ITPKB: variants seen among roughly 807,000 people sequenced by gnomAD.
ITPKB encodes the protein inositol-trisphosphate 3-kinase B, also known as IP3 3-kinase B.
ITPKB carries 13 observed loss-of-function variants against 69.4 expected under a neutral mutation model. The ratio of observed to expected loss-of-function variants is 0.19; its 90% CI spans 0.12 to 0.30. The LOEUF is 0.30. Ranked by LOEUF, ITPKB falls within the 10% of genes least tolerant of loss-of-function variation. ITPKB has a pLI of 1.00. For synonymous variants in ITPKB, 584 were observed against 513.7 expected, an observed-to-expected ratio of 1.14 and a Z score of -1.85; for missense variants, 1,240 against 1,250.5, an observed-to-expected ratio of 0.99 and a Z score of 0.13.
At chr1:226,666,225 G>A (rs1447875050) in intron 2 of ITPKB, among the ~76,000 whole-genome samples, 1 of 152,196 alleles carries the variant, frequency 6.6e-6, no homozygotes, top group Non-Finnish European at 1.5e-5. Flanking sequence ...CACATGGCAC[G>A]GTGGGATCTG....
At chr1:226,648,820 T>C in intron 2 of ITPKB, 49 bp from the exon 3 acceptor site, 3 of 1,278,790 alleles carry the variant, frequency 2.3e-6, no homozygotes, top group Non-Finnish European at 3.4e-6. Flanking sequence ...CAACCACTAA[T>C]TTCTGGTTAG....
intron 2 of ITPKB, among the ~76,000 whole-genome samples, chr1:226,675,798 G>C (rs903149771): frequency 6.6e-6 from 1 of 152,138 alleles, no homozygotes; most frequent in African/African-American, 2.4e-5. Context: ...TGTAAGATTC[G>C]AGTCTGCATA....
At chr1:226,731,855 C>G (rs1657597411) in intron 2 of ITPKB, among the ~76,000 whole-genome samples, 1 of 152,006 alleles carries the variant, frequency 6.6e-6, no homozygotes, top group South Asian at 2.1e-4. Context: ...GCTCATAACC[C>G]CACAAATCTG....
intron 2 of ITPKB, among the ~76,000 whole-genome samples, chr1:226,677,002 G>C (rs1307156516): frequency 6.6e-6 from 1 of 152,092 alleles, no homozygotes; most frequent in Non-Finnish European, 1.5e-5. Context: ...TCCATCCCCT[G>C]AGCACCTGGG....
At chr1:226,677,450 G>A (rs950301057) in intron 2 of ITPKB, among the ~76,000 whole-genome samples, 1 of 152,162 alleles carries the variant, frequency 6.6e-6, no homozygotes, top group Non-Finnish European at 1.5e-5. Flanking sequence ...CAGAGGGGTG[G>A]GTTAAAGCCT....
chr1:226,687,045 G>A (rs937548595), intron 2 of ITPKB, among the ~76,000 whole-genome samples: 2 of 152,248 alleles, frequency 1.3e-5, no homozygotes, highest in East Asian at 1.9e-4. Context: ...AGGGACTAAC[G>A]TCCTGCCTCA....
intron 2 of ITPKB, among the ~76,000 whole-genome samples, chr1:226,666,661 G>A (rs767919790): frequency 2.0e-5 from 3 of 152,032 alleles, no homozygotes; most frequent in Non-Finnish European, 4.4e-5. Flanking sequence ...CTCTCCCTAC[G>A]GCTAGCACCC....
intron 2 of ITPKB, among the ~76,000 whole-genome samples, chr1:226,673,308 G>A (rs913521706): frequency 1.6e-4 from 25 of 152,180 alleles, no homozygotes; most frequent in Non-Finnish European, 3.2e-4. Context: ...CAGGGGTAGA[G>A]GCTGCCATGT....
Position 226,684,106 on chromosome 1 carries a change from C to A in ITPKB, c.1933-35335G>T, listed in dbSNP as rs1008755512. On this transcript the variant is annotated intron_variant, in intron 2 of 7. Transcript: ENST00000429204. Reference sequence around the variant, plus strand: ...TAGAAAAATAGCCTCTTCACAGCACCCGATTCTCTCCCACCAAGAATTCTC... The same window carrying A: ...TAGAAAAATAGCCTCTTCACAGCACACGATTCTCTCCCACCAAGAATTCTC... 2.0e-5 allele frequency among the ~76,000 whole-genome samples: 3 copies of A among 152,114 alleles called. No homozygotes were observed. The East Asian group carries it at 5.8e-4, about 29-fold the overall frequency.
intron 2 of ITPKB, among the ~76,000 whole-genome samples, chr1:226,716,710 T>C (rs1171376417): frequency 6.6e-6 from 1 of 152,198 alleles, no homozygotes. Flanking sequence ...ATCATTTGAT[T>C]CAGTTCCAAC....
rs778072532 is a variant in ITPKB, at chr1:226,737,370, C to A, written c.89G>T (p.Gly30Val). The A allele has an allele frequency of 8.1e-6, 13 of 1,608,574 alleles. No homozygotes were observed. The South Asian group carries it at 1.3e-4, about 16-fold the overall frequency. ...MKSGGGPGPS[G>V]SETPPPPRRA... The stretch of plus-strand genomic sequence containing the variant: ...CCTCGGGGGCGGGGGCGTCTCGCTG[C>A]CACTGGGCCCCGGGCCGCCGCCGCT... Residue 30 changes from glycine to valine, a missense_variant, in exon 2 of 8, where the codon GGC becomes GTC. This residue lies in a region of ITPKB where 992 missense variants were observed against 853.8 expected (regional missense o/e 1.16). Transcript: ENST00000429204.
intron 2 of ITPKB, chr1:226,676,193 C>G (rs928289975): frequency 6.6e-6 from 1 of 152,184 alleles, no homozygotes; most frequent in South Asian, 2.1e-4. Context: ...CCACAATTAC[C>G]TGCAAGGTAA....
intron 2 of ITPKB, among the ~76,000 whole-genome samples, chr1:226,681,140 AC>A (rs1160823985): frequency 9.9e-5 from 15 of 152,024 alleles, no homozygotes; most frequent in South Asian, 2.1e-4. Context: ...ACCATGTCAA[AC>A]CCAGTCGTCT....
At position 226,737,462 on chromosome 1, in the gene ITPKB, A is replaced by G. The variant is rs2102656003; in HGVS notation, c.-4T>C. 1 of 1,589,446 alleles carries G rather than the reference A, an allele frequency of 6.3e-7. No homozygotes were observed. Among genetic ancestry groups the G allele is most frequent in the Non-Finnish European group, 8.5e-7 (1 of 1,171,468 alleles). ...GCGCATAGCAGTACACAGCCATAGT[A>G]CTGGGTCCCGCGCTGCCCGCCGCCG... On this transcript the variant is annotated 5_prime_UTR_variant, in exon 2 of 8. Transcript: ENST00000429204.
intron 2 of ITPKB, among the ~76,000 whole-genome samples, chr1:226,687,869 C>T (rs186402282): frequency 3.3e-5 from 5 of 152,166 alleles, no homozygotes; most frequent in Non-Finnish European, 7.4e-5. Context: ...ATACTGCTTC[C>T]GAGTTTCCTC....
chr1:226,633,090 T>C lies in ITPKB; in HGVS notation c.*1581A>G, dbSNP rs1245166727. Reference sequence around the variant, plus strand: ...ACTGTTTTAAACAAGAGCCAGGAAGTGTAAGTTGATTTCCTTTTTTAAAAT... The same window carrying C: ...ACTGTTTTAAACAAGAGCCAGGAAGCGTAAGTTGATTTCCTTTTTTAAAAT... On this transcript the variant is annotated 3_prime_UTR_variant, in exon 8 of 8. Coordinates refer to ENST00000429204, the MANE Select transcript of ITPKB (RefSeq NM_002221.4). 1 of 152,188 alleles carries C rather than the reference T, an allele frequency of 6.6e-6. No individual in the cohort carries two copies. The highest frequency in any genetic ancestry group is 1.5e-5 in the Non-Finnish European group (1 of 68,044). 9.4% of individuals were successfully genotyped at this position (152,188 alleles called of 1,614,324 possible). A position where few individuals can be genotyped will look rare whatever the true frequency, so the allele number is the denominator to read the frequency against.
At chr1:226,662,052 G>C (rs1401872387) in intron 2 of ITPKB, among the ~76,000 whole-genome samples, 1 of 152,182 alleles carries the variant, frequency 6.6e-6, no homozygotes, top group African/African-American at 2.4e-5. Context: ...GAGAGGGAGT[G>C]CACGGACGAT....
chr1:226,664,425 T>C (rs1342411648), intron 2 of ITPKB, among the ~76,000 whole-genome samples: 3 of 151,922 alleles, frequency 2.0e-5, no homozygotes, highest in Non-Finnish European at 4.4e-5. Context: ...TCCTTTGCAA[T>C]GTCCATCTGC....
intron 2 of ITPKB, among the ~76,000 whole-genome samples, chr1:226,712,569 G>C (rs1656988139): frequency 1.3e-5 from 2 of 152,194 alleles, no homozygotes; most frequent in South Asian, 4.1e-4. Flanking sequence ...TTGAAGGGAA[G>C]GTGGTCACCG....
Sources: gnomAD v4.1 joint callset for allele counts (sites outside exome capture counted in the v4.1 genomes callset) on GRCh38, gnomAD v4.1.1 for gene constraint, gnomAD v4.1.1 regional missense constraint, MANE v1.5 for transcripts, NCBI Gene and HGNC (gene_info 2026-07-23, HGNC 2026-07-21) for gene names.